DAZL: variants seen among roughly 807,000 people sequenced by gnomAD.
DAZL encodes deleted in azoospermia like.
Under a neutral mutation model 45.0 loss-of-function variants are expected in DAZL, and 4 were observed. The observed-to-expected ratio is 0.09, with a 90% CI of 0.04 to 0.20. The LOEUF is 0.20. Among genes scored for constraint, DAZL ranks in the 10% least tolerant of loss-of-function variants. DAZL has a pLI of 1.00. For synonymous variants in DAZL, 122 were observed against 112.4 expected, an observed-to-expected ratio of 1.09 and a Z score of -0.54; for missense variants, 326 against 351.3, an observed-to-expected ratio of 0.93 and a Z score of 0.58.
rs1244924577 is a variant in DAZL, at chr3:16,596,993, T to A, written c.353A>T (p.Asn118Ile). ...LKLGPAIRKQ[N>I]LCAYHVQPRP... ...CAATTTCTTTTTGTACTCACATAAA[T>A]TTTGTTTCCTGATTGCAGGGCCCAG... Residue 118 changes from asparagine (N) to isoleucine (I), a missense_variant, in exon 5 of 11, where the codon AAT (asparagine) becomes ATT (isoleucine). Physicochemically the swap from Asn to Ile is moderately radical, Grantham distance 149. Transcript: ENST00000399444. 1 of 1,612,730 alleles carries A rather than the reference T, an allele frequency of 6.2e-7. No individual in the cohort carries two copies. Among genetic ancestry groups the A allele is most frequent in the East Asian group, 2.2e-5 (1 of 44,852 alleles).
At chr3:16,590,599 A>T (rs1025620482) in intron 10 of DAZL, among the ~76,000 whole-genome samples, 2 of 152,238 alleles carry the variant, frequency 1.3e-5, no homozygotes, top group African/African-American at 4.8e-5. Context: ...TCACAGCATT[A>T]TTTCTAACAG....
Position 16,598,603 on chromosome 3 carries a change from A to G in DAZL, c.4-5T>C, listed in dbSNP as rs1694636120. The G allele has an allele frequency of 6.3e-7, 1 of 1,592,894 alleles. No individual in the cohort carries two copies. The highest frequency in any genetic ancestry group is 2.3e-5 in the East Asian group (1 of 44,300). The stretch of plus-strand genomic sequence containing the variant: ...AGTTTCAGGATTTGCAGTAGACTGT[A>G]ATTTGGAAAGTAGACATCATAATTA... On this transcript the variant is annotated splice_polypyrimidine_tract_variant and splice_region_variant and intron_variant, in intron 1 of 10. Transcript: ENST00000399444.
Position 16,597,612 on chromosome 3 carries a change from C to T in DAZL, c.243-71G>A, listed in dbSNP as rs148545377. The T allele has an allele frequency of 1.4e-3, 1,310 of 927,750 alleles. 25 individuals are homozygous for T. In the East Asian group the frequency reaches 0.029, roughly 20 times the overall value. 57.5% of individuals were successfully genotyped at this position (927,750 alleles called of 1,614,324 possible). ...CATGGTTCAGAACTTCTACTATATA[C>T]GGAAGTGATCATGACTAAAATATGA... On this transcript the variant is annotated intron_variant, in intron 3 of 10. Coordinates refer to ENST00000399444, the MANE Select transcript of DAZL (RefSeq NM_001351.4).
chr3:16,600,373 T>A (rs529888917), intron 1 of DAZL, among the ~76,000 whole-genome samples: 1 of 152,362 alleles, frequency 6.6e-6, no homozygotes, highest in East Asian at 1.9e-4. Flanking sequence ...AAGCTGAGTT[T>A]ATTGCTTTTC....
In DAZL at chr3:16,596,233, C is replaced by G. The variant is rs78008085; in HGVS notation, c.498+517G>C. ...ACCAGTAAGTGATAGTATGTCAAAT[C>G]CTACTTTAAATATCAAAGTAACCAA... On this transcript the variant is annotated intron_variant, in intron 6 of 10. Transcript: ENST00000399444. Among the ~76,000 whole-genome samples the G allele has an allele frequency of 0.011, 1,606 of 152,074 alleles. 106 individuals carry two copies. The East Asian group carries it at 0.19, about 18-fold the overall frequency.
chr3:16,604,923 A>G (rs1031588590), intron 1 of DAZL: 2 of 669,582 alleles, frequency 3.0e-6, no homozygotes, highest in African/African-American at 3.6e-5. Flanking sequence ...GTGCCTCAAG[A>G]AGGCCGTGGC....
intron 1 of DAZL, 149 bp from the exon 2 acceptor site, chr3:16,598,747 AG>A: frequency 2.0e-6 from 2 of 1,010,416 alleles, no homozygotes; most frequent in Non-Finnish European, 2.6e-6. Context: ...TAAACTTATC[AG>A]AGTAGATCAG....
At chr3:16,599,304 A>G (rs1694647963) in intron 1 of DAZL, among the ~76,000 whole-genome samples, 1 of 152,206 alleles carries the variant, frequency 6.6e-6, no homozygotes, top group African/African-American at 2.4e-5. Flanking sequence ...AAAAAGGATG[A>G]CAAATATTAA....
Position 16,596,900 on chromosome 3 carries a change from A to G in DAZL, c.359-11T>C. ...GCACATGATAAGCACCTTTTTGAAA[A>G]GCAAAAAGAAAAGGCCTATTTTTAG... On this transcript the variant is annotated splice_polypyrimidine_tract_variant and intron_variant, in intron 5 of 10. Transcript: ENST00000399444. 1 of 1,613,832 alleles carries G rather than the reference A, an allele frequency of 6.2e-7. No individual in the cohort carries two copies. The highest frequency in any genetic ancestry group is 8.5e-7 in the Non-Finnish European group (1 of 1,179,756).
chr3:16,602,594 C>T (rs899617121), intron 1 of DAZL, among the ~76,000 whole-genome samples: 3 of 152,112 alleles, frequency 2.0e-5, no homozygotes, highest in African/African-American at 7.2e-5. Flanking sequence ...TCAAGATGAG[C>T]CATCCCTGCC....
At chr3:16,602,555 G>C (rs1694708110) in intron 1 of DAZL, among the ~76,000 whole-genome samples, 1 of 152,120 alleles carries the variant, frequency 6.6e-6, no homozygotes, top group African/African-American at 2.4e-5. Flanking sequence ...ATTTTACAAA[G>C]CTAACAGCAT....
intron 9 of DAZL, 119 bp downstream of exon 9, chr3:16,593,536 T>C (rs1359534042): frequency 7.4e-6 from 5 of 674,990 alleles, no homozygotes; most frequent in African/African-American, 7.3e-5. Context: ...AACTAACTCT[T>C]CTCTAGTTAA....
chr3:16,601,442 T>C (rs1238842724), intron 1 of DAZL, among the ~76,000 whole-genome samples: 1 of 152,160 alleles, frequency 6.6e-6, no homozygotes, highest in Non-Finnish European at 1.5e-5. Flanking sequence ...AGCCAGCAGG[T>C]GGCGCTCAAA....
At position 16,592,160 on chromosome 3, in the gene DAZL, A is replaced by T. The variant is rs1342962595; in HGVS notation, c.736-12T>A. ...CGGTCCACAGATTTCTGAAACACAG[A>T]AGTTTTCAGTAATGTAAAGACGACT... On this transcript the variant is annotated splice_polypyrimidine_tract_variant and intron_variant, in intron 9 of 10. Coordinates refer to ENST00000399444, the MANE Select transcript of DAZL (RefSeq NM_001351.4). The T allele has an allele frequency of 6.8e-6, 11 of 1,611,214 alleles. No individual in the cohort carries two copies. The highest frequency in any genetic ancestry group is 9.3e-6 in the Non-Finnish European group (11 of 1,178,604).
At position 16,598,106 on chromosome 3, in the gene DAZL, G is replaced by A; in HGVS notation, c.223C>T (p.Arg75Ter). The change falls in exon 3 of 11, where the codon CGA (arginine) becomes TGA (stop). Residue 75 changes from arginine to a stop codon, truncating the protein, a stop_gained. Coordinates refer to ENST00000399444, the MANE Select transcript of DAZL (RefSeq NM_001351.4). LOFTEE classifies it high-confidence loss of function. ...ACTCACCCTTTGGACACACCAGTTCGATCAGTGATTATCTTCACTTCTTTC... is the reference window on the plus strand; with the variant it reads ...ACTCACCCTTTGGACACACCAGTTCAATCAGTGATTATCTTCACTTCTTTC... ...SVKEVKIITD[R>*]TGVSKGYGFV... The A allele has an allele frequency of 1.3e-6, 2 of 1,596,038 alleles. No homozygotes were observed. Among genetic ancestry groups the A allele is most frequent in the Non-Finnish European group, 1.7e-6 (2 of 1,167,070 alleles).
intron 6 of DAZL, 28 bp downstream of exon 6, chr3:16,596,722 G>A (rs1694605578): frequency 1.2e-6 from 2 of 1,611,676 alleles, no homozygotes; most frequent in Non-Finnish European, 1.7e-6. Flanking sequence ...CAATAAACAA[G>A]AGAATAGGAA....
intron 1 of DAZL, chr3:16,604,822 G>T (rs868468909): frequency 6.2e-4 from 667 of 1,070,816 alleles, no homozygotes; most frequent in Middle Eastern, 3.9e-3. Flanking sequence ...GAGTGGGGGA[G>T]CGCGTGGGAG....
chr3:16,598,625 A>G (rs766932901), intron 1 of DAZL, 27 bp from the exon 2 acceptor site: 18 of 1,583,910 alleles, frequency 1.1e-5, no homozygotes, highest in South Asian at 4.4e-5. Context: ...AGACATCATA[A>G]TTAGATACAC....
At chr3:16,602,861 A>C (rs1694713468) in intron 1 of DAZL, among the ~76,000 whole-genome samples, 1 of 152,220 alleles carries the variant, frequency 6.6e-6, no homozygotes, top group Admixed American at 6.5e-5. Flanking sequence ...ATTAGGAATA[A>C]GGTAAGGGCA....
Sources: gnomAD v4.1 joint callset for allele counts (sites outside exome capture counted in the v4.1 genomes callset) on GRCh38, gnomAD v4.1.1 for gene constraint, MANE v1.5 for transcripts, NCBI Gene and HGNC (gene_info 2026-07-23, HGNC 2026-07-21) for gene names.